Variants in RCN3 observed in about 807,000 individuals in gnomAD.
RCN3 encodes the protein reticulocalbin-3.
Under a neutral mutation model 35.9 loss-of-function variants are expected in RCN3, and 41 were observed. The observed-to-expected ratio is 1.14, with a 90% CI of 0.89 to 1.48. The LOEUF (loss-of-function observed/expected upper bound fraction) is 1.48. Ranked by LOEUF, RCN3 falls within the 40% of genes most tolerant of loss-of-function variation. The pLI is 0.00. For missense variants in RCN3, 451 were observed against 471.3 expected (o/e 0.96, Z 0.40); for synonymous variants, 187 against 193.4 (o/e 0.97, Z 0.27).
intron 2 of RCN3, among the ~76,000 whole-genome samples, chr19:49,530,305 GCACGCCCA>G (rs1211252075): frequency 6.8e-6 from 1 of 146,302 alleles, no homozygotes; most frequent in African/African-American, 2.5e-5. Flanking sequence ...GACTATGGGT[GCACGCCCA>G]CACGCCCAGC....
chr19:49,542,228 G>A (rs1281946433), intron 5 of RCN3, among the ~76,000 whole-genome samples: 2 of 152,046 alleles, frequency 1.3e-5, no homozygotes, highest in African/African-American at 2.4e-5. Flanking sequence ...AAACATCCTC[G>A]CACGTTCCTC....
chr19:49,538,039 C>T (rs533031005), intron 4 of RCN3, among the ~76,000 whole-genome samples: 234 of 150,370 alleles, frequency 1.6e-3, no homozygotes, highest in Non-Finnish European at 1.9e-3. Context: ...TTACCCAGAC[C>T]GGAGGGCAGT....
At chr19:49,542,530 G>C (rs1356621017) in intron 5 of RCN3, 23 bp from the exon 6 acceptor site, 2 of 1,550,842 alleles carry the variant, frequency 1.3e-6, no homozygotes. Flanking sequence ...CCCTGACCTT[G>C]TCCCCTCTGT....
intron 4 of RCN3, 40 bp downstream of exon 4, chr19:49,537,245 CGG>C: frequency 7.0e-7 from 1 of 1,418,554 alleles, no homozygotes; most frequent in Non-Finnish European, 9.3e-7. Context: ...CACACCCTTC[CGG>C]GGACCCAGGC....
At chr19:49,543,074 T>C in intron 6 of RCN3, 32 bp from the exon 7 acceptor site, 1 of 1,571,152 alleles carries the variant, frequency 6.4e-7, no homozygotes, top group Non-Finnish European at 8.8e-7. Flanking sequence ...CAGGGCCGTG[T>C]TGTCCCCTCT....
In RCN3 at chr19:49,543,256, C is replaced by T. The variant is rs183527585; in HGVS notation, c.*43C>T. ...CAGCCTCAGAGGCCCGCACAATGAC[C>T]GGAGGAGGGGCCGCTGTGGTCTGGC... is the stretch of plus-strand genomic sequence containing the variant. On this transcript the variant is annotated 3_prime_UTR_variant, in exon 7 of 7. Transcript: ENST00000270645. The T allele has an allele frequency of 1.6e-5, 24 of 1,509,818 alleles. 1 individual carries two copies. Among genetic ancestry groups the T allele is most frequent in the South Asian group, 9.1e-5 (8 of 87,614 alleles). 93.5% of individuals were successfully genotyped at this position (1,509,818 alleles called of 1,614,324 possible).
Position 49,534,193 on chromosome 19 carries a change from GCGGATCGTGGACC to G in RCN3, c.244_256del (p.Arg82AlafsTer33). 1 of 1,489,868 alleles carries G rather than the reference GCGGATCGTGGACC, an allele frequency of 6.7e-7. No homozygotes were observed. The highest frequency in any genetic ancestry group is 8.9e-7 in the Non-Finnish European group (1 of 1,125,848). 92.3% of individuals were successfully genotyped at this position (1,489,868 alleles called of 1,614,324 possible). On this transcript the variant is annotated frameshift_variant and splice_region_variant, in exon 3 of 7. Coordinates refer to ENST00000270645, the MANE Select transcript of RCN3 (RefSeq NM_020650.3). LOFTEE classifies it high-confidence loss of function. The stretch of plus-strand genomic sequence containing the variant: ...GACGTGTGCCCGCCCCGGCTTCTAG[GCGGATCGTGGACC>G]GCATGGACCGCGCGGGGGACGGCGA...
chr19:49,534,120 G>A (rs1365681419), intron 2 of RCN3, 73 bp from the exon 3 acceptor site: 3 of 1,345,372 alleles, frequency 2.2e-6, no homozygotes, highest in African/African-American at 1.6e-5. Context: ...GTGTCCCAGG[G>A]GGCGTGGCCC....
chr19:49,533,586 T>C (rs2080119228), intron 2 of RCN3, among the ~76,000 whole-genome samples: 2 of 151,054 alleles, frequency 1.3e-5, no homozygotes, highest in Non-Finnish European at 1.5e-5. Flanking sequence ...GGGTTGCGGG[T>C]GATGGTCCTC....
chr19:49,538,867 C>G (rs1346126374), intron 4 of RCN3, among the ~76,000 whole-genome samples: 1 of 152,156 alleles, frequency 6.6e-6, no homozygotes, highest in African/African-American at 2.4e-5. Context: ...AGCAACAAAC[C>G]TGTGCACTGC....
rs781277936 is a variant in RCN3, at chr19:49,542,790, TG to T, written c.879+41del. 268 of 1,534,694 alleles carry T rather than the reference TG, an allele frequency of 1.7e-4. 1 individual carries two copies. In the African/African-American group the frequency reaches 2.7e-3, roughly 15 times the overall value. ...GGCCTCGGCAGGAGCGAGGAGCGGG[TG>T]GGCATTGCGGGCCAGACTCCAGAAA... is the stretch of plus-strand genomic sequence containing the variant. On this transcript the variant is annotated intron_variant, in intron 6 of 6. Coordinates refer to ENST00000270645, the MANE Select transcript of RCN3 (RefSeq NM_020650.3).
At chr19:49,534,485 C>T in intron 3 of RCN3, 90 bp downstream of exon 3, 1 of 1,380,476 alleles carries the variant, frequency 7.2e-7, no homozygotes, top group South Asian at 1.3e-5. Context: ...ACCCATTTAC[C>T]CGGAGTCCCT....
chr19:49,535,383 C>T (rs778770486), intron 3 of RCN3, among the ~76,000 whole-genome samples: 1 of 152,168 alleles, frequency 6.6e-6, no homozygotes, highest in Non-Finnish European at 1.5e-5. Flanking sequence ...TTCCTGTCTC[C>T]ACACGCTTGG....
chr19:49,534,099 C>T (rs904168184), intron 2 of RCN3, 94 bp from the exon 3 acceptor site: 5 of 1,240,286 alleles, frequency 4.0e-6, no homozygotes, highest in Non-Finnish European at 4.2e-6. Context: ...ATTTTCAGCC[C>T]CGGATCCGAA....
At chr19:49,537,928 C>A (rs971749508) in intron 4 of RCN3, among the ~76,000 whole-genome samples, 1 of 151,956 alleles carries the variant, frequency 6.6e-6, no homozygotes, top group Non-Finnish European at 1.5e-5. Context: ...CATGAGCCAC[C>A]GTGCCTGGCC....
intron 2 of RCN3, among the ~76,000 whole-genome samples, chr19:49,533,160 T>C (rs2080117111): frequency 6.6e-6 from 1 of 152,200 alleles, no homozygotes; most frequent in South Asian, 2.1e-4. Context: ...AATGTCTGGC[T>C]GTGGAGCCCA....
chr19:49,533,547 G>A (rs1233984484), intron 2 of RCN3, among the ~76,000 whole-genome samples: 1 of 152,206 alleles, frequency 6.6e-6, no homozygotes, highest in Non-Finnish European at 1.5e-5. Context: ...GAGGAGCATG[G>A]GGAGGGGCAG....
chr19:49,537,858 T>C (rs2080144028), intron 4 of RCN3, among the ~76,000 whole-genome samples: 1 of 151,640 alleles, frequency 6.6e-6, no homozygotes, highest in East Asian at 1.9e-4. Flanking sequence ...AGGCTGGTCT[T>C]GAACTCCGGA....
chr19:49,542,572 G>C lies in RCN3; in HGVS notation c.699G>C (p.Glu233Asp), dbSNP rs1311681072. The C allele has an allele frequency of 6.2e-7, 1 of 1,603,882 alleles. No individual in the cohort carries two copies. ...CCCCAGCGGATCTGTACTCAGCCGA[G>C]CCTGGGGAGGAGGAGCCGGCGTGGG... ...EEYIADLYSA[E>D]PGEEEPAWVQ... The change falls in exon 6 of 7, where the codon GAG becomes GAC. Residue 233 changes from glutamate (E) to aspartate (D), a missense_variant. By Grantham distance (45) the Glu-to-Asp change is conservative. Coordinates refer to ENST00000270645, the MANE Select transcript of RCN3 (RefSeq NM_020650.3).
Sources: gnomAD v4.1 joint callset for allele counts (sites outside exome capture counted in the v4.1 genomes callset) on GRCh38, gnomAD v4.1.1 for gene constraint, MANE v1.5 for transcripts, NCBI Gene and HGNC (gene_info 2026-07-23, HGNC 2026-07-21) for gene names.